ATXN7: variants seen among roughly 807,000 people sequenced by gnomAD.
ATXN7 encodes ataxin-7.
Under a neutral mutation model 70.5 loss-of-function variants are expected in ATXN7, and 12 were observed. The observed-to-expected ratio is 0.17, with a 90% CI of 0.11 to 0.28. The LOEUF is 0.28. ATXN7 is among the 10% of genes least tolerant of loss of function. The probability of loss-of-function intolerance (pLI) is 1.00; values close to 1 mark genes in which losing one functional copy is unlikely to be tolerated. For synonymous variants in ATXN7, 498 were observed against 448.7 expected (o/e 1.11, Z -1.39); for missense variants, 1,256 against 1,131.7 (o/e 1.11, Z -1.58).
intron 2 of ATXN7, among the ~76,000 whole-genome samples, 198 bp from the exon 3 acceptor site, chr3:63,912,390 T>C (rs1704059790): frequency 6.6e-6 from 1 of 150,544 alleles, no homozygotes; most frequent in East Asian, 2.0e-4. Flanking sequence ...AAGCGAAAGC[T>C]AGCCCGCGCC....
intron 5 of ATXN7, among the ~76,000 whole-genome samples, chr3:63,964,071 TAA>T (rs770901259): frequency 9.7e-6 from 1 of 103,524 alleles, no homozygotes; most frequent in Non-Finnish European, 1.8e-5. Context: ...CTTAGACACA[TAA>T]ACACACACAC....
At chr3:63,912,970 TC>T (rs1383443672) in intron 3 of ATXN7, 47 bp downstream of exon 3, 1 of 866,546 alleles carries the variant, frequency 1.2e-6, no homozygotes, top group Non-Finnish European at 1.4e-6. Flanking sequence ...CGCGACCCCC[TC>T]CTCTCTCCTC....
chr3:63,873,652 C>T (rs940287969), intron 1 of ATXN7: 3 of 152,156 alleles, frequency 2.0e-5, no homozygotes, highest in African/African-American at 7.2e-5. Context: ...TAAGCGACAC[C>T]ATAATGATCC....
At chr3:63,976,881 C>G (rs1489254699) in intron 5 of ATXN7, among the ~76,000 whole-genome samples, 1 of 152,186 alleles carries the variant, frequency 6.6e-6, no homozygotes, top group African/African-American at 2.4e-5. Flanking sequence ...GTAGCACAGT[C>G]TTACAAATGT....
At chr3:63,955,427 G>A (rs2075024011) in intron 5 of ATXN7, among the ~76,000 whole-genome samples, 2 of 152,270 alleles carry the variant, frequency 1.3e-5, no homozygotes, top group Non-Finnish European at 2.9e-5. Context: ...GAGAGTAACT[G>A]CATGAAGTAG....
At chr3:63,955,539 C>T (rs1417968633) in intron 5 of ATXN7, among the ~76,000 whole-genome samples, 1 of 152,096 alleles carries the variant, frequency 6.6e-6, no homozygotes, top group Non-Finnish European at 1.5e-5. Flanking sequence ...CCAGTGCTGC[C>T]ACAGTGTCGT....
At chr3:63,934,787 C>G (rs1336727410) in intron 4 of ATXN7, among the ~76,000 whole-genome samples, 1 of 152,200 alleles carries the variant, frequency 6.6e-6, no homozygotes, top group African/African-American at 2.4e-5. Flanking sequence ...AGGGCTCTTA[C>G]GAGAATGCTT....
At chr3:63,974,063 A>T (rs541774604) in intron 5 of ATXN7, among the ~76,000 whole-genome samples, 3 of 152,246 alleles carry the variant, frequency 2.0e-5, no homozygotes, top group Admixed American at 6.5e-5. Context: ...ACTGTCTTCG[A>T]CTTGGAGGTG....
At position 63,998,617 on chromosome 3, in the gene ATXN7, C is replaced by G. The variant is rs910826452; in HGVS notation, c.2662-833C>G. 4.1e-6 allele frequency: 4 copies of G among 985,248 alleles called. No individual in the cohort carries two copies. In the African/African-American group the frequency reaches 7.0e-5, roughly 17 times the overall value. The allele number at this position is 985,248 out of a possible 1,614,324, so 61.0% of individuals were successfully genotyped here. On this transcript the variant is annotated intron_variant, in intron 12 of 12. Transcript: ENST00000674280. ...GAGATTTTCTCTGTGCAGAGGAATA[C>G]TTTTTATTATGCTACACAAATCCTG...
intron 4 of ATXN7, among the ~76,000 whole-genome samples, chr3:63,914,286 T>C (rs928729313): frequency 2.6e-5 from 4 of 152,224 alleles, no homozygotes; most frequent in Non-Finnish European, 5.9e-5. Flanking sequence ...TTTTCTTCAC[T>C]TAACTCTGTT....
rs550476772 is a variant in ATXN7, at chr3:63,965,690, C to G, written c.499+13207C>G. Among the ~76,000 whole-genome samples, 13 of 152,128 alleles carry G rather than the reference C, an allele frequency of 8.5e-5. No individual in the cohort carries two copies. In the South Asian group the frequency reaches 1.0e-3, roughly 12 times the overall value. ...GAGCCATCATTGGGATATTTAATATCAAAATAAACTTTATTTGGATAGGAT... is the reference window on the plus strand; with the variant it reads ...GAGCCATCATTGGGATATTTAATATGAAAATAAACTTTATTTGGATAGGAT... On this transcript the variant is annotated intron_variant, in intron 5 of 12. Transcript: ENST00000674280.
intron 5 of ATXN7, among the ~76,000 whole-genome samples, chr3:63,962,060 A>G (rs976569748): frequency 2.6e-5 from 4 of 152,154 alleles, no homozygotes; most frequent in African/African-American, 9.7e-5. Flanking sequence ...CCTGACTGGA[A>G]TAATTCCTCT....
intron 4 of ATXN7, among the ~76,000 whole-genome samples, chr3:63,913,843 G>A (rs1347599434): frequency 6.6e-6 from 1 of 152,188 alleles, no homozygotes; most frequent in Non-Finnish European, 1.5e-5. Context: ...GTTTTAAACT[G>A]TTTGGTAAAA....
chr3:63,918,694 A>G (rs942654591), intron 4 of ATXN7, among the ~76,000 whole-genome samples: 1 of 151,994 alleles, frequency 6.6e-6, no homozygotes. Flanking sequence ...AAGTCAGGCT[A>G]CCATCCCTGA....
intron 2 of ATXN7, among the ~76,000 whole-genome samples, chr3:63,907,654 A>G (rs971363969): frequency 4.8e-5 from 7 of 146,490 alleles, no homozygotes; most frequent in East Asian, 2.0e-4. Flanking sequence ...AGTAGAGACT[A>G]TGCCTCACTG....
intron 9 of ATXN7, 130 bp downstream of exon 9, chr3:63,988,454 T>G: frequency 7.8e-7 from 1 of 1,285,538 alleles, no homozygotes; most frequent in Non-Finnish European, 1.1e-6. Context: ...TTTTAAGGAG[T>G]TTTACTATGA....
At chr3:63,967,648 C>T in intron 5 of ATXN7, 1 of 579,258 alleles carries the variant, frequency 1.7e-6, no homozygotes, top group Non-Finnish European at 2.5e-6. Context: ...CCATCTTCCC[C>T]AGTTTTGACA....
upstream of ATXN7, chr3:63,863,411 G>A: frequency 2.8e-6 from 3 of 1,069,748 alleles, no homozygotes; most frequent in Non-Finnish European, 3.4e-6. Context: ...GACAAACCCG[G>A]ACTCCCTCTG....
chr3:63,961,191 A>G lies in ATXN7; in HGVS notation c.499+8708A>G, dbSNP rs570304141. 3.6e-4 allele frequency among the ~76,000 whole-genome samples: 55 copies of G among 152,266 alleles called. 1 individual carries two copies. In the South Asian group the frequency reaches 0.011, roughly 29 times the overall value. Reference sequence around the variant, plus strand: ...ATTTACCAATGTATTTTTTCCCCTCACATAAAAAAAAGTAGATTCAGTGTG... The same window carrying G: ...ATTTACCAATGTATTTTTTCCCCTCGCATAAAAAAAAGTAGATTCAGTGTG... On this transcript the variant is annotated intron_variant, in intron 5 of 12. Coordinates refer to ENST00000674280, the MANE Select transcript of ATXN7 (RefSeq NM_001377405.1).
Sources: gnomAD v4.1 joint callset for allele counts (sites outside exome capture counted in the v4.1 genomes callset) on GRCh38, gnomAD v4.1.1 for gene constraint, MANE v1.5 for transcripts, NCBI Gene and HGNC (gene_info 2026-07-23, HGNC 2026-07-21) for gene names.